CATSPERE: variants seen among roughly 807,000 people sequenced by gnomAD.
CATSPERE encodes the protein cation channel sperm-associated auxiliary subunit epsilon.
A neutral mutation model predicts 114.1 loss-of-function variants in CATSPERE; 93 were observed. The ratio of observed to expected loss-of-function variants is 0.81; its 90% CI spans 0.69 to 0.97. The LOEUF (loss-of-function observed/expected upper bound fraction) is 0.97, where lower values mean the gene tolerates loss of function less well. CATSPERE is among the 50% of genes least tolerant of loss of function. The probability of loss-of-function intolerance (pLI) is 0.00; values close to 1 mark genes in which losing one functional copy is unlikely to be tolerated. For missense variants in CATSPERE, 1,058 were observed against 1,131.6 expected, an observed-to-expected ratio of 0.93 and a Z score of 0.93; for synonymous variants, 341 against 384.1, an observed-to-expected ratio of 0.89 and a Z score of 1.31.
intron 8 of CATSPERE, among the ~76,000 whole-genome samples, chr1:244,536,965 C>A (rs1172085652): frequency 6.6e-6 from 1 of 150,936 alleles, no homozygotes; most frequent in Non-Finnish European, 1.5e-5. Context: ...TTAAGATTTT[C>A]TAAACAGTCA....
intron 8 of CATSPERE, among the ~76,000 whole-genome samples, chr1:244,525,496 AAATAAAATAT>A (rs1678431331): frequency 1.4e-5 from 2 of 146,364 alleles, no homozygotes; most frequent in African/African-American, 5.4e-5. Flanking sequence ...TAATAATAAT[AAATAAAATAT>A]AATAAAATAA....
chr1:244,598,666 T>G (rs1668765998), intron 17 of CATSPERE: 1 of 268,862 alleles, frequency 3.7e-6, no homozygotes, highest in South Asian at 3.7e-5. Flanking sequence ...AAAACACTTT[T>G]GCTTTTTTCA....
chr1:244,556,434 T>C (rs906690714), intron 9 of CATSPERE, among the ~76,000 whole-genome samples: 3 of 152,172 alleles, frequency 2.0e-5, no homozygotes, highest in African/African-American at 7.2e-5. Context: ...TAAATCTAAA[T>C]GGTCTAAAAC....
chr1:244,520,304 G>T (rs1412024513), intron 8 of CATSPERE, among the ~76,000 whole-genome samples: 1 of 150,458 alleles, frequency 6.6e-6, no homozygotes, highest in East Asian at 1.9e-4. Context: ...GTCTATATTT[G>T]CAGTGAGTTC....
intron 7 of CATSPERE, among the ~76,000 whole-genome samples, chr1:244,513,258 C>T (rs560244719): frequency 6.6e-6 from 1 of 152,070 alleles, no homozygotes; most frequent in South Asian, 2.1e-4. Flanking sequence ...CTCCAGGTGG[C>T]ACACAGATGT....
At chr1:244,503,102 T>A (rs903390054) in intron 7 of CATSPERE, among the ~76,000 whole-genome samples, 3 of 152,150 alleles carry the variant, frequency 2.0e-5, no homozygotes, top group Non-Finnish European at 4.4e-5. Flanking sequence ...TATAAATGTG[T>A]GAAGTGTGTT....
chr1:244,591,878 T>C, intron 15 of CATSPERE, 147 bp downstream of exon 15: 1 of 544,250 alleles, frequency 1.8e-6, no homozygotes, highest in Non-Finnish European at 3.3e-6. Context: ...GCAAAATGTG[T>C]AGATGGTATA....
In CATSPERE at chr1:244,639,918, C is replaced by A. The variant is rs878932711; in HGVS notation, c.2703-10C>A. ...CTTCTAATGCCTTTTTTTTTTTTTT[C>A]TGATTTCAGTCCAAGTGTCTACCTG... is the stretch of plus-strand genomic sequence containing the variant. On this transcript the variant is annotated splice_polypyrimidine_tract_variant and intron_variant, in intron 21 of 21. Coordinates refer to ENST00000366534, the MANE Select transcript of CATSPERE (RefSeq NM_001130957.2). The A allele has an allele frequency of 7.4e-7, 1 of 1,350,978 alleles. No individual in the cohort carries two copies. The highest frequency in any genetic ancestry group is 1.6e-5 in the South Asian group (1 of 63,094). 83.7% of individuals were successfully genotyped at this position (1,350,978 alleles called of 1,614,324 possible).
Position 244,553,727 on chromosome 1 carries a change from T to A in CATSPERE, c.1029+913T>A, listed in dbSNP as rs1661149100. 2.0e-5 allele frequency among the ~76,000 whole-genome samples: 3 copies of A among 151,820 alleles called. No homozygotes were observed. The South Asian group carries it at 6.2e-4, about 32-fold the overall frequency. On this transcript the variant is annotated intron_variant, in intron 9 of 21. Transcript: ENST00000366534. ...GAAACACTAGAACTTATTTCTTCTA[T>A]CGAACTGTATGTTAGTTAGATATAA...
chr1:244,453,533 G>C (rs1029111624), upstream of CATSPERE, among the ~76,000 whole-genome samples: 6 of 152,162 alleles, frequency 3.9e-5, no homozygotes, highest in African/African-American at 1.4e-4. Context: ...TTGCCTTTGT[G>C]GCTACCTACT....
rs531730013 is a variant in CATSPERE at position 244,554,892 on chromosome 1, A to T, written c.1029+2078A>T. 5.3e-3 allele frequency among the ~76,000 whole-genome samples: 810 copies of T among 152,338 alleles called. 10 individuals carry two copies. Among genetic ancestry groups the T allele is most frequent in the African/African-American group, 0.019 (780 of 41,586 alleles). On this transcript the variant is annotated intron_variant, in intron 9 of 21. Coordinates refer to ENST00000366534, the MANE Select transcript of CATSPERE (RefSeq NM_001130957.2). ...TAAAACACAAAAACCCTCAAAAAAA[A>T]TTCTAGCAAACTGAATCAAATAGCA...
At chr1:244,576,026 G>T (rs572378622) in intron 11 of CATSPERE, among the ~76,000 whole-genome samples, 2 of 152,194 alleles carry the variant, frequency 1.3e-5, no homozygotes, top group Admixed American at 6.5e-5. Flanking sequence ...TCCAAGGAAT[G>T]TTTTACCACC....
intron 8 of CATSPERE, among the ~76,000 whole-genome samples, chr1:244,537,875 T>A (rs372411454): frequency 1.2e-4 from 18 of 152,220 alleles, no homozygotes; most frequent in Admixed American, 2.0e-4. Flanking sequence ...TCTAGTTGAT[T>A]GATTAGTATA....
chr1:244,604,120 CA>C (rs540841320), intron 17 of CATSPERE, among the ~76,000 whole-genome samples: 538 of 152,306 alleles, frequency 3.5e-3, no homozygotes, highest in Non-Finnish European at 6.2e-3. Context: ...TGAAACTATA[CA>C]AAAATACATG....
intron 2 of CATSPERE, among the ~76,000 whole-genome samples, chr1:244,470,021 C>T (rs1441374123): frequency 2.6e-5 from 4 of 151,876 alleles, no homozygotes; most frequent in East Asian, 1.9e-4. Context: ...TGGACCCCAC[C>T]TCAGACCACA....
intron 7 of CATSPERE, among the ~76,000 whole-genome samples, chr1:244,516,649 G>A (rs1262743020): frequency 2.0e-5 from 3 of 150,760 alleles, no homozygotes; most frequent in African/African-American, 7.5e-5. Flanking sequence ...AGCCTCCTGA[G>A]TAGCTGGGAC....
chr1:244,497,421 C>T (rs558394249), intron 6 of CATSPERE, among the ~76,000 whole-genome samples: 5 of 152,010 alleles, frequency 3.3e-5, no homozygotes, highest in East Asian at 3.9e-4. Context: ...AAAAAATGAG[C>T]GAATGAAATC....
chr1:244,553,967 A>G (rs919743464), intron 9 of CATSPERE, among the ~76,000 whole-genome samples: 6 of 152,020 alleles, frequency 3.9e-5, no homozygotes, highest in Non-Finnish European at 8.8e-5. Context: ...TACAATAATG[A>G]CCTCCAGTTC....
chr1:244,470,522 C>G (rs78052173), intron 2 of CATSPERE, among the ~76,000 whole-genome samples: 1 of 152,050 alleles, frequency 6.6e-6, no homozygotes, highest in African/African-American at 2.4e-5. Flanking sequence ...AACAAGTGTT[C>G]GTGGGGATGT....
Sources: gnomAD v4.1 joint callset for allele counts (sites outside exome capture counted in the v4.1 genomes callset) on GRCh38, gnomAD v4.1.1 for gene constraint, MANE v1.5 for transcripts, NCBI Gene and HGNC (gene_info 2026-07-23, HGNC 2026-07-21) for gene names.